The following GIP variants were observed in gnomAD, a reference collection of about 807,000 sequenced individuals.
GIP encodes glucose-dependent insulinotropic polypeptide.
Under a neutral mutation model 18.1 loss-of-function variants are expected in GIP, and 16 were observed. That is an observed-to-expected ratio of 0.88 (90% confidence interval 0.60 to 1.34). The LOEUF is 1.34. Ranked by LOEUF, GIP falls within the 40% of genes most tolerant of loss-of-function variation. GIP has a pLI of 0.00. For missense variants in GIP, 192 were observed against 183.4 expected (o/e 1.05, Z -0.27); for synonymous variants, 76 against 74.0 (o/e 1.03, Z -0.14).
chr17:48,964,316 T>G lies in GIP; in HGVS notation c.251A>C (p.Lys84Thr). Residue 84 changes from lysine (K) to threonine (T), a missense_variant, in exon 3 of 6, where the codon AAG becomes ACG. Lys to Thr is a moderately conservative substitution (Grantham distance 78, BLOSUM62 -1). Coordinates refer to ENST00000357424, the MANE Select transcript of GIP (RefSeq NM_004123.3). ...AGTGTAAGCAGCGACTCACTCATTCTTCTTCCCCTTTTGGGCCAGCAGCCA... is the reference window on the plus strand; with the variant it reads ...AGTGTAAGCAGCGACTCACTCATTCGTCTTCCCCTTTTGGGCCAGCAGCCA... Reference protein sequence around the residue: ...VNWLLAQKGKKNDWKHNITQR... With the variant: ...VNWLLAQKGKTNDWKHNITQR... 2 of 1,613,530 alleles carry G rather than the reference T, an allele frequency of 1.2e-6. No individual in the cohort carries two copies. The highest frequency in any genetic ancestry group is 1.7e-6 in the Non-Finnish European group (2 of 1,179,476).
Position 48,966,806 on chromosome 17 carries a change from AAAAAAAG to A in GIP, c.86+334_86+340del, listed in dbSNP as rs964917529. Among the ~76,000 whole-genome samples, 20 of 152,216 alleles carry A rather than the reference AAAAAAAG, an allele frequency of 1.3e-4. 1 individual carries two copies. The highest frequency in any genetic ancestry group is 4.6e-4 in the African/African-American group (19 of 41,528). Reference sequence around the variant, plus strand: ...GGGCGACAGGGCAAGATCCTGTCTCAAAAAAAGAAAAAAGAAAAAAAGAAAAGAAAGA... The same window carrying A: ...GGGCGACAGGGCAAGATCCTGTCTCAAAAAAAGAAAAAAAGAAAAGAAAGA... On this transcript the variant is annotated intron_variant, in intron 2 of 5. Coordinates refer to ENST00000357424, the MANE Select transcript of GIP (RefSeq NM_004123.3).
intron 3 of GIP, among the ~76,000 whole-genome samples, chr17:48,962,393 G>A (rs945502568): frequency 2.6e-5 from 4 of 151,770 alleles, no homozygotes; most frequent in Non-Finnish European, 4.4e-5. Context: ...TCTTTGAGAC[G>A]GAGTCTCGCT....
chr17:48,964,283 A>C, intron 3 of GIP, 27 bp downstream of exon 3: 2 of 1,588,112 alleles, frequency 1.3e-6, no homozygotes, highest in Non-Finnish European at 1.7e-6. Flanking sequence ...GGCACAGGGA[A>C]CAGGAGGAGT....
intron 2 of GIP, among the ~76,000 whole-genome samples, chr17:48,965,462 A>G (rs1325187871): frequency 4.6e-5 from 7 of 151,384 alleles, no homozygotes; most frequent in East Asian, 3.9e-4. Context: ...AAAATTAGCC[A>G]GGCGTGGTGG....
Position 48,961,820 on chromosome 17 carries a change from C to A in GIP, c.258-1G>T. On this transcript the variant is annotated splice_acceptor_variant, in intron 3 of 5. Coordinates refer to ENST00000357424, the MANE Select transcript of GIP (RefSeq NM_004123.3). LOFTEE classifies it high-confidence loss of function. ...CCTCTGGGTGATGTTGTGTTTCCAG[C>A]TGGGAAGATAAAGATTAGAGAGTGG... is the stretch of plus-strand genomic sequence containing the variant. 6.2e-7 allele frequency: 1 copy of A among 1,610,002 alleles called. No individual in the cohort carries two copies. Among genetic ancestry groups the A allele is most frequent in the Non-Finnish European group, 8.5e-7 (1 of 1,177,752 alleles).
chr17:48,963,975 C>G (rs2041216889), intron 3 of GIP, among the ~76,000 whole-genome samples: 1 of 145,558 alleles, frequency 6.9e-6, no homozygotes, highest in African/African-American at 2.6e-5. Flanking sequence ...CACGGTGAAA[C>G]CCCGTATCTA....
rs563169790 is a variant in GIP at position 48,968,214 on chromosome 17, T to A, written c.-22+303A>T. Among the ~76,000 whole-genome samples the A allele has an allele frequency of 1.2e-4, 18 of 152,070 alleles. 1 individual carries two copies. The highest frequency in any genetic ancestry group is 4.3e-4 in the African/African-American group (18 of 41,502). On this transcript the variant is annotated intron_variant, in intron 1 of 5. Transcript: ENST00000357424. ...CTCAGGCAAACCTTTCACTTCACCC[T>A]CCCGAGTACCTAGAACCGCAGGCAT...
In GIP at chr17:48,964,499, A is replaced by C; in HGVS notation, c.87-19T>G. 6.2e-7 allele frequency: 1 copy of C among 1,609,804 alleles called. No homozygotes were observed. Among genetic ancestry groups the C allele is most frequent in the Non-Finnish European group, 8.5e-7 (1 of 1,176,936 alleles). ...GAGAGCGCTGGAAACAAGGGTGCGG[A>C]GAAGGGGCAGAGATGGGGGGAGAAT... On this transcript the variant is annotated intron_variant, in intron 2 of 5. Coordinates refer to ENST00000357424, the MANE Select transcript of GIP (RefSeq NM_004123.3).
chr17:48,960,924 C>G lies in GIP; in HGVS notation c.414G>C (p.Leu138Phe). Residue 138 changes from leucine to phenylalanine, a missense_variant, in exon 5 of 6, where the codon TTG (leucine) becomes TTC (phenylalanine). By Grantham distance (22) the Leu-to-Phe change is conservative. Coordinates refer to ENST00000357424, the MANE Select transcript of GIP (RefSeq NM_004123.3). ...LLRDLLIQEL[L>F]ACLLDQTNLC... The stretch of plus-strand genomic sequence containing the variant: ...GGTTTGTCTGATCCAGCAAGCAGGC[C>G]AACAGCTCTTGAATCAGCAAGTCCC... The G allele has an allele frequency of 6.2e-7, 1 of 1,608,388 alleles. No homozygotes were observed. Among genetic ancestry groups the G allele is most frequent in the Middle Eastern group, 1.7e-4 (1 of 6,052 alleles).
At chr17:48,961,887 T>C in intron 3 of GIP, 68 bp from the exon 4 acceptor site, 1 of 1,142,268 alleles carries the variant, frequency 8.8e-7, no homozygotes, top group Non-Finnish European at 1.3e-6. Context: ...TTGAATCTTT[T>C]AATATCTGAA....
chr17:48,966,449 G>T (rs545688116), intron 2 of GIP, among the ~76,000 whole-genome samples: 1 of 151,144 alleles, frequency 6.6e-6, no homozygotes, highest in Admixed American at 6.6e-5. Context: ...CCAGCTACTC[G>T]GTAAGCTGAG....
rs556833454 is a variant in GIP at position 48,959,004 on chromosome 17, G to A, written c.453-288C>T. On this transcript the variant is annotated intron_variant, in intron 5 of 5. Transcript: ENST00000357424. Reference sequence around the variant, plus strand: ...CGAGTAGCTGGGACTACAGGCGCCCGCCTCCACGCCCAGCTAATTTTTTGT... The same window carrying A: ...CGAGTAGCTGGGACTACAGGCGCCCACCTCCACGCCCAGCTAATTTTTTGT... Among the ~76,000 whole-genome samples the A allele has an allele frequency of 1.2e-3, 187 of 151,754 alleles. 1 individual carries two copies. Among genetic ancestry groups the A allele is most frequent in the African/African-American group, 4.2e-3 (175 of 41,356 alleles).
intron 3 of GIP, among the ~76,000 whole-genome samples, chr17:48,963,289 C>T (rs898195636): frequency 3.3e-5 from 5 of 151,998 alleles, no homozygotes; most frequent in African/African-American, 1.2e-4. Flanking sequence ...CTTTGGGAGG[C>T]CAAGGCAGGT....
chr17:48,967,359 CTTTTTTT>C (rs369779985), intron 1 of GIP, 106 bp from the exon 2 acceptor site: 392 of 501,426 alleles, frequency 7.8e-4, no homozygotes, highest in Middle Eastern at 1.2e-3. Flanking sequence ...TTTCCTTTTT[CTTTTTTT>C]TTTTTTTTTT....
At chr17:48,966,757 G>T in intron 2 of GIP, among the ~76,000 whole-genome samples, 1 of 151,754 alleles carries the variant, frequency 6.6e-6, no homozygotes, top group East Asian at 1.9e-4. Flanking sequence ...AGTGAGCTGC[G>T]ATCACGCCAC....
chr17:48,961,737 C>T lies in GIP; in HGVS notation c.340G>A (p.Glu114Lys), dbSNP rs559690501. ...QANRKEEEAV[E>K]PQSSPAKNPS... Reference sequence around the variant, plus strand: ...TGCGCCCTGACTCACCTCTGTGGCTCCACTGCCTCCTCCTCCTTCCTATTA... The same window carrying T: ...TGCGCCCTGACTCACCTCTGTGGCTTCACTGCCTCCTCCTCCTTCCTATTA... Residue 114 changes from glutamate to lysine, a missense_variant, in exon 4 of 6, where the codon GAG becomes AAG. Glu to Lys is a moderately conservative substitution (Grantham distance 56). Coordinates refer to ENST00000357424, the MANE Select transcript of GIP (RefSeq NM_004123.3). The T allele has an allele frequency of 6.8e-6, 11 of 1,609,094 alleles. No homozygotes were observed. The highest frequency in any genetic ancestry group is 3.3e-5 in the Admixed American group (2 of 59,970).
intron 2 of GIP, among the ~76,000 whole-genome samples, chr17:48,966,530 C>T (rs1303059156): frequency 6.6e-6 from 1 of 150,992 alleles, no homozygotes; most frequent in Non-Finnish European, 1.5e-5. Context: ...ACACTCCAGC[C>T]TAGGTGACAG....
In GIP at chr17:48,964,413, ACCTGGGG is replaced by A; in HGVS notation, c.147_153del (p.Pro50ThrfsTer23). 6.2e-7 allele frequency: 1 copy of A among 1,613,952 alleles called. No homozygotes were observed. On this transcript the variant is annotated frameshift_variant, in exon 3 of 6. Coordinates refer to ENST00000357424, the MANE Select transcript of GIP (RefSeq NM_004123.3). LOFTEE classifies it high-confidence loss of function. ...TCACTGATGAAAGTCCCTTCCGCGT[ACCTGGGG>A]CCTCGAGGTTGAGGGCTGCTCACCT...
chr17:48,961,419 G>A (rs1360184634), intron 4 of GIP, among the ~76,000 whole-genome samples: 2 of 152,118 alleles, frequency 1.3e-5, no homozygotes, highest in South Asian at 2.1e-4. Flanking sequence ...GGTGAGGCCA[G>A]GACCTGAGGT....
Sources: allele counts gnomAD v4.1 joint callset (sites outside exome capture counted in the v4.1 genomes callset), GRCh38; gene constraint gnomAD v4.1.1; transcripts MANE v1.5; gene names NCBI Gene and HGNC (gene_info 2026-07-23, HGNC 2026-07-21).